COL14A1: variants seen among roughly 807,000 people sequenced by gnomAD.
COL14A1 encodes the protein collagen alpha-1(XIV) chain.
Under a neutral mutation model 230.3 loss-of-function variants are expected in COL14A1, and 136 were observed. The ratio of observed to expected loss-of-function variants is 0.59; its 90% CI spans 0.51 to 0.68. COL14A1 has a LOEUF of 0.68. Ranked by LOEUF, COL14A1 falls within the 30% of genes least tolerant of loss-of-function variation. COL14A1 has a pLI of 0.00. For synonymous variants in COL14A1, 792 were observed against 784.1 expected (o/e 1.01, Z -0.17); for missense variants, 1,976 against 2,215.8 (o/e 0.89, Z 2.17).
intron 1 of COL14A1, among the ~76,000 whole-genome samples, chr8:120,140,409 A>G (rs968290642): frequency 5.3e-5 from 8 of 152,010 alleles, no homozygotes; most frequent in African/African-American, 1.9e-4. Context: ...CTTTCTTATT[A>G]TCAAGTACAG....
At chr8:120,226,813 A>G in intron 16 of COL14A1, 47 bp downstream of exon 16, 3 of 1,566,200 alleles carry the variant, frequency 1.9e-6, no homozygotes, top group Non-Finnish European at 1.8e-6. Flanking sequence ...GCATTAGTGA[A>G]TACCTACTGC....
At chr8:120,198,528 C>A (rs1003557779) in intron 7 of COL14A1, among the ~76,000 whole-genome samples, 5 of 152,032 alleles carry the variant, frequency 3.3e-5, no homozygotes, top group Non-Finnish European at 5.9e-5. Flanking sequence ...CTGAGCATCC[C>A]AACTCTGAAA....
chr8:120,245,009 G>C (rs1818720848), intron 20 of COL14A1, among the ~76,000 whole-genome samples: 1 of 152,078 alleles, frequency 6.6e-6, no homozygotes. Flanking sequence ...CTCCCTGTCT[G>C]CTCTCCACTG....
chr8:120,131,963 C>T (rs1326490106), intron 1 of COL14A1, among the ~76,000 whole-genome samples: 1 of 150,978 alleles, frequency 6.6e-6, no homozygotes, highest in Non-Finnish European at 1.5e-5. Flanking sequence ...TCTCCTGCCC[C>T]AGCCTCTCTA....
intron 5 of COL14A1, among the ~76,000 whole-genome samples, chr8:120,179,968 G>A (rs1218209276): frequency 6.6e-6 from 1 of 152,076 alleles, no homozygotes; most frequent in Non-Finnish European, 1.5e-5. Context: ...CCTATTTAAT[G>A]GTGTTGGGAA....
intron 1 of COL14A1, among the ~76,000 whole-genome samples, chr8:120,135,935 T>G (rs1814696264): frequency 6.6e-6 from 1 of 152,180 alleles, no homozygotes; most frequent in Non-Finnish European, 1.5e-5. Flanking sequence ...AGAATACAAT[T>G]GATTTTTTGC....
chr8:120,164,199 T>C (rs1815786232), intron 4 of COL14A1, among the ~76,000 whole-genome samples: 1 of 152,236 alleles, frequency 6.6e-6, no homozygotes, highest in Non-Finnish European at 1.5e-5. Flanking sequence ...AGCAATTAGC[T>C]GCTCAGGGCC....
intron 5 of COL14A1, among the ~76,000 whole-genome samples, chr8:120,178,617 GTAT>G (rs1816362793): frequency 6.6e-6 from 1 of 152,150 alleles, no homozygotes; most frequent in Admixed American, 6.5e-5. Flanking sequence ...GGGTCAAATG[GTAT>G]TTCTAGTTCT....
At chr8:120,179,045 A>C (rs1299881973) in intron 5 of COL14A1, among the ~76,000 whole-genome samples, 1 of 151,976 alleles carries the variant, frequency 6.6e-6, no homozygotes, top group Non-Finnish European at 1.5e-5. Context: ...CTCTGATGAT[A>C]GTTTCTTTTG....
At chr8:120,192,321 A>T (rs1172601948) in intron 5 of COL14A1, among the ~76,000 whole-genome samples, 3 of 152,094 alleles carry the variant, frequency 2.0e-5, no homozygotes, top group Admixed American at 2.0e-4. Context: ...GTTTGGCTGG[A>T]TATGAAATTC....
At position 120,271,846 on chromosome 8, in the gene COL14A1, A is replaced by T. The variant is rs148281944; in HGVS notation, c.3213+1672A>T. 2.1e-3 allele frequency among the ~76,000 whole-genome samples: 312 copies of T among 151,576 alleles called. 6 individuals are homozygous for T. The highest frequency in any genetic ancestry group is 0.019 in the Admixed American group (280 of 15,126). ...TCACTGGAAGGTTTTAAGGAGAGCC[A>T]AGATCTGATATGTTTCAGAAAAAAA... On this transcript the variant is annotated intron_variant, in intron 26 of 47. Transcript: ENST00000297848.
intron 36 of COL14A1, among the ~76,000 whole-genome samples, chr8:120,308,143 A>T (rs973734392): frequency 6.6e-6 from 1 of 152,108 alleles, no homozygotes; most frequent in Admixed American, 6.5e-5. Context: ...CACCACACTC[A>T]GCTAACTTTT....
chr8:120,349,045 C>A (rs1052007717), intron 45 of COL14A1, among the ~76,000 whole-genome samples: 2 of 152,114 alleles, frequency 1.3e-5, no homozygotes, highest in African/African-American at 2.4e-5. Flanking sequence ...GATCTGAGAA[C>A]CGGCAGACTG....
intron 1 of COL14A1, among the ~76,000 whole-genome samples, chr8:120,136,671 G>T (rs1048665938): frequency 6.6e-6 from 1 of 151,874 alleles, no homozygotes; most frequent in African/African-American, 2.4e-5. Context: ...TTGATAAAAA[G>T]GTTATGTTAG....
chr8:120,347,718 CA>C (rs1264248754), intron 45 of COL14A1, among the ~76,000 whole-genome samples: 1 of 152,024 alleles, frequency 6.6e-6, no homozygotes, highest in Non-Finnish European at 1.5e-5. Context: ...GAAGTAAGGC[CA>C]AAAAGGCTCA....
chr8:120,341,000 G>A (rs1318010254), intron 42 of COL14A1, among the ~76,000 whole-genome samples: 2 of 151,990 alleles, frequency 1.3e-5, no homozygotes, highest in African/African-American at 4.8e-5. Context: ...ACATAGAGTG[G>A]CGTTTAGGGT....
At position 120,168,193 on chromosome 8, in the gene COL14A1, C is replaced by A; in HGVS notation, c.382C>A (p.Pro128Thr). The change falls in exon 5 of 48, where the codon CCC becomes ACC. Residue 128 changes from proline to threonine, a missense_variant. Pro to Thr is a conservative substitution (Grantham distance 38). This residue lies in a region of COL14A1 where 181 missense variants were observed against 178.6 expected (regional missense o/e 1.01). Transcript: ENST00000297848. The part of the protein sequence containing the change: ...KDLEKRKDPK[P>T]RVKVVDRGNG... Reference sequence around the variant, plus strand: ...TTTAGAAAAAAGAAAGGATCCAAAGCCCAGAGTCAAAGTTGTGGACAGAGG... The same window carrying A: ...TTTAGAAAAAAGAAAGGATCCAAAGACCAGAGTCAAAGTTGTGGACAGAGG... 6.2e-7 allele frequency: 1 copy of A among 1,612,554 alleles called. No individual in the cohort carries two copies. Among genetic ancestry groups the A allele is most frequent in the Non-Finnish European group, 8.5e-7 (1 of 1,179,056 alleles).
intron 19 of COL14A1, among the ~76,000 whole-genome samples, chr8:120,234,323 G>A (rs59319774): frequency 6.6e-6 from 1 of 152,092 alleles, no homozygotes; most frequent in Non-Finnish European, 1.5e-5. Flanking sequence ...TTGCCTGATT[G>A]CCCTGGCCAG....
chr8:120,184,230 T>TTTATTTATTTAC (rs1816573626), intron 5 of COL14A1, among the ~76,000 whole-genome samples: 1 of 70,634 alleles, frequency 1.4e-5, no homozygotes. Flanking sequence ...AAGAGATTTA[T>TTTATTTATTTAC]TTATTTATTT....
Sources: allele counts gnomAD v4.1 joint callset (sites outside exome capture counted in the v4.1 genomes callset), GRCh38; gene constraint gnomAD v4.1.1; regional missense constraint gnomAD v4.1.1; transcripts MANE v1.5; gene names NCBI Gene and HGNC (gene_info 2026-07-23, HGNC 2026-07-21).